Variants in OR51B5 observed in about 807,000 individuals in gnomAD.
OR51B5 encodes olfactory receptor 51B5.
For missense variants in OR51B5, 456 were observed against 374.6 expected (o/e 1.22, Z -1.79); for synonymous variants, 186 against 144.8 (o/e 1.28, Z -2.04).
intron 1 of OR51B5, among the ~76,000 whole-genome samples, chr11:5,438,604 A>T (rs183428779): frequency 2.0e-5 from 3 of 152,318 alleles, no homozygotes; most frequent in Admixed American, 2.0e-4. Flanking sequence ...GATATTTAAA[A>T]TGTCTTTTTC....
intron 1 of OR51B5, among the ~76,000 whole-genome samples, chr11:5,366,642 AGGAAGGAAGGGAAG>A (rs1849373251): frequency 6.6e-6 from 1 of 150,936 alleles, no homozygotes; most frequent in Non-Finnish European, 1.5e-5. Context: ...GTAGGGAGGG[AGGAAGGAAGGGAAG>A]GAAAGGAAGG....
chr11:5,479,614 T>G (rs1288653743), intron 1 of OR51B5, among the ~76,000 whole-genome samples: 1 of 151,934 alleles, frequency 6.6e-6, no homozygotes, highest in African/African-American at 2.4e-5. Context: ...ATTCAGGAAA[T>G]CCATCTCATG....
chr11:5,405,992 A>AT (rs1850053273), intron 1 of OR51B5, among the ~76,000 whole-genome samples: 1 of 152,074 alleles, frequency 6.6e-6, no homozygotes, highest in Non-Finnish European at 1.5e-5. Context: ...TTATTTCCTG[A>AT]GATGAGAAGA....
At chr11:5,419,020 G>A (rs1850288570) in intron 1 of OR51B5, among the ~76,000 whole-genome samples, 1 of 152,026 alleles carries the variant, frequency 6.6e-6, no homozygotes, top group African/African-American at 2.4e-5. Context: ...GTCATGTGCA[G>A]GTATATGAAT....
chr11:5,389,538 A>G, intron 1 of OR51B5: 1 of 1,613,940 alleles, frequency 6.2e-7, no homozygotes, highest in Non-Finnish European at 8.5e-7. Flanking sequence ...TTCTTTATGT[A>G]CATGGTTGCC....
chr11:5,381,938 T>G (rs2647547), intron 1 of OR51B5, among the ~76,000 whole-genome samples: 61,558 of 152,056 alleles, frequency 0.4, 12,710 homozygotes, highest in South Asian at 0.54. Flanking sequence ...ACAGTATTGT[T>G]TATCTACGTA....
At chr11:5,372,835 G>C (rs143607788) in intron 1 of OR51B5, among the ~76,000 whole-genome samples, 2 of 152,230 alleles carry the variant, frequency 1.3e-5, no homozygotes, top group East Asian at 3.9e-4. Flanking sequence ...AAATTTGTAT[G>C]AAACCACAGA....
At chr11:5,342,740 A>C (rs1848915732) in exon 1 of OR51B5, 8 of 1,613,946 alleles carry the variant, frequency 5.0e-6, no homozygotes, top group Non-Finnish European at 5.9e-6. Context: ...CTGCTTTCCA[A>C]AACGATGAAT....
At chr11:5,367,467 G>A (rs997348025) in intron 1 of OR51B5, among the ~76,000 whole-genome samples, 2 of 152,146 alleles carry the variant, frequency 1.3e-5, no homozygotes, top group African/African-American at 2.4e-5. Flanking sequence ...TTTTCAGACC[G>A]CTTAGCGTAA....
intron 1 of OR51B5, among the ~76,000 whole-genome samples, chr11:5,491,746 G>A (rs965414642): frequency 3.9e-5 from 6 of 152,176 alleles, no homozygotes; most frequent in African/African-American, 1.4e-4. Context: ...TTCCCAAAGT[G>A]AAACTTCCCT....
At chr11:5,449,083 G>A (rs1346867705) in intron 1 of OR51B5, among the ~76,000 whole-genome samples, 3 of 152,308 alleles carry the variant, frequency 2.0e-5, no homozygotes, top group African/African-American at 4.8e-5. Context: ...CTCTTACAGC[G>A]ATTGCCTGTC....
chr11:5,422,945 G>C (rs749827945), intron 1 of OR51B5: 1 of 1,614,068 alleles, frequency 6.2e-7, no homozygotes, highest in South Asian at 1.1e-5. Context: ...CCACATTCTA[G>C]CTGTCCTGGT....
In OR51B5 at chr11:5,422,529, C is replaced by T. The variant is rs1034492458; in HGVS notation, n.85-75619G>A. ...CAGTTTTTCTTCCTTCATGGATTCT[C>T]CTTTATGGAGTCTTCTGTCCTCCTG... On this transcript the variant is annotated intron_variant and non_coding_transcript_variant, in intron 1 of 4. Coordinates refer to the OR51B5 transcript ENST00000415970. The T allele has an allele frequency of 1.7e-5, 28 of 1,614,042 alleles. No individual in the cohort carries two copies. Among genetic ancestry groups the T allele is most frequent in the Non-Finnish European group, 2.3e-5 (27 of 1,180,022 alleles).
At chr11:5,421,850 C>G (rs1850343775) in intron 1 of OR51B5, among the ~76,000 whole-genome samples, 1 of 152,068 alleles carries the variant, frequency 6.6e-6, no homozygotes, top group East Asian at 1.9e-4. Context: ...TCATTTTTAG[C>G]CTTTGTGAGA....
chr11:5,395,937 C>T (rs951748), intron 1 of OR51B5, among the ~76,000 whole-genome samples: 85,454 of 152,100 alleles, frequency 0.56, 25,201 homozygotes, highest in African/African-American at 0.76. Context: ...TGAGTATTTG[C>T]TTCTAACTGT....
intron 1 of OR51B5, among the ~76,000 whole-genome samples, chr11:5,478,421 C>G (rs1257623501): frequency 6.6e-6 from 1 of 151,800 alleles, no homozygotes. Flanking sequence ...AAAAACAGAA[C>G]AGAAAAACTG....
chr11:5,440,193 A>C (rs1449117551), intron 1 of OR51B5, among the ~76,000 whole-genome samples: 1 of 151,736 alleles, frequency 6.6e-6, no homozygotes, highest in Non-Finnish European at 1.5e-5. Context: ...TATCTCCTTC[A>C]CTCTGGGCAG....
At chr11:5,366,741 G>A (rs922863046) in intron 1 of OR51B5, among the ~76,000 whole-genome samples, 5 of 147,798 alleles carry the variant, frequency 3.4e-5, no homozygotes, top group African/African-American at 1.2e-4. Flanking sequence ...AAGGAAGGAA[G>A]GAAATCAGGG....
chr11:5,470,377 A>C (rs1192750673), intron 1 of OR51B5, among the ~76,000 whole-genome samples: 1 of 152,124 alleles, frequency 6.6e-6, no homozygotes, highest in African/African-American at 2.4e-5. Flanking sequence ...AAACCTCTTA[A>C]TTGCCCCCTC....
Sources: gnomAD v4.1 joint callset for allele counts (sites outside exome capture counted in the v4.1 genomes callset) on GRCh38, gnomAD v4.1.1 for gene constraint, MANE v1.5 for transcripts, NCBI Gene and HGNC (gene_info 2026-07-23, HGNC 2026-07-21) for gene names.